Variants in CDC14A observed in about 807,000 individuals in gnomAD.
CDC14A encodes the protein cell division cycle 14A, also known as dual specificity protein phosphatase CDC14A.
Under a neutral mutation model 74.4 loss-of-function variants are expected in CDC14A, and 53 were observed. That is an observed-to-expected ratio of 0.71 (90% confidence interval 0.57 to 0.89). The LOEUF is 0.89. Ranked by LOEUF, CDC14A falls within the 40% of genes least tolerant of loss-of-function variation. CDC14A has a pLI of 0.00. For synonymous variants in CDC14A, 247 were observed against 258.4 expected, an observed-to-expected ratio of 0.96 and a Z score of 0.43; for missense variants, 646 against 713.7, an observed-to-expected ratio of 0.91 and a Z score of 1.08.
At chr1:100,479,499 C>G (rs1260585843) in intron 10 of CDC14A, among the ~76,000 whole-genome samples, 1 of 152,096 alleles carries the variant, frequency 6.6e-6, no homozygotes, top group East Asian at 1.9e-4. Context: ...TGTACCATTT[C>G]CTTTTATGGT....
At chr1:100,504,522 G>C (rs1484633772) in intron 15 of CDC14A, among the ~76,000 whole-genome samples, 1 of 152,164 alleles carries the variant, frequency 6.6e-6, no homozygotes, top group Non-Finnish European at 1.5e-5. Context: ...ATACATAAAC[G>C]AAAAGTGTGG....
chr1:100,452,247 C>T (rs1343460748), intron 7 of CDC14A, among the ~76,000 whole-genome samples: 3 of 152,208 alleles, frequency 2.0e-5, no homozygotes, highest in East Asian at 1.9e-4. Context: ...TGCAGTGGCT[C>T]ATGCCTGTAA....
chr1:100,459,784 A>G (rs540374852), intron 8 of CDC14A, among the ~76,000 whole-genome samples: 1 of 152,270 alleles, frequency 6.6e-6, no homozygotes, highest in East Asian at 1.9e-4. Flanking sequence ...ACATTGCTAA[A>G]ACCAATCTCT....
intron 4 of CDC14A, among the ~76,000 whole-genome samples, chr1:100,412,742 A>ATATATATATATTATATATATAT (rs1661000280): frequency 9.3e-6 from 1 of 108,052 alleles, no homozygotes; most frequent in African/African-American, 4.9e-5. Flanking sequence ...TATATATTTT[A>ATATATATATATTATATATATAT]TATATATATA....
rs1326027358 is a variant in CDC14A, at chr1:100,352,842, CTTG to C, written c.-107_-105del. ...GCGCCTGCTGCCTCCCTCGGCCAGG[CTTG>C]TTGTTCGGGACTGTGAGCTTCCTGG... On this transcript the variant is annotated 5_prime_UTR_variant, in exon 1 of 16. Transcript: ENST00000336454. 1.3e-6 allele frequency: 2 copies of C among 1,549,370 alleles called. No homozygotes were observed. The highest frequency in any genetic ancestry group is 8.7e-7 in the Non-Finnish European group (1 of 1,151,604).
At chr1:100,375,154 A>G (rs1221367538) in intron 2 of CDC14A, among the ~76,000 whole-genome samples, 4 of 152,208 alleles carry the variant, frequency 2.6e-5, no homozygotes, top group Non-Finnish European at 5.9e-5. Context: ...AGCAAGGTAG[A>G]GTGTAGCAGA....
intron 10 of CDC14A, among the ~76,000 whole-genome samples, chr1:100,479,229 GTTTTAGTTGAGATTGACTTCTATCA>G (rs1669214645): frequency 6.6e-6 from 1 of 152,176 alleles, no homozygotes; most frequent in Non-Finnish European, 1.5e-5. Flanking sequence ...AATGGTTTGA[GTTTTAGTTGAGATTGACTTCTATCA>G]TTTCCTTTTA....
chr1:100,353,899 C>G, intron 2 of CDC14A, 47 bp downstream of exon 2: 1 of 1,089,980 alleles, frequency 9.2e-7, no homozygotes, highest in South Asian at 1.3e-5. Flanking sequence ...TCAGCTTGTT[C>G]TTTGACGAGG....
chr1:100,430,744 G>C (rs536654511), intron 5 of CDC14A, among the ~76,000 whole-genome samples: 1 of 152,098 alleles, frequency 6.6e-6, no homozygotes, highest in Non-Finnish European at 1.5e-5. Context: ...GATTTTTGTC[G>C]AAGTTTGTTT....
intron 4 of CDC14A, among the ~76,000 whole-genome samples, chr1:100,420,711 C>T (rs1453651281): frequency 6.6e-6 from 1 of 152,034 alleles, no homozygotes; most frequent in Admixed American, 6.6e-5. Context: ...AATGGTAGTA[C>T]ATGGTGGTAC....
intron 4 of CDC14A, among the ~76,000 whole-genome samples, chr1:100,401,704 A>G (rs1659279472): frequency 6.6e-6 from 1 of 152,172 alleles, no homozygotes; most frequent in Non-Finnish European, 1.5e-5. Flanking sequence ...CGATTTTTTT[A>G]ACAGCCATCC....
At chr1:100,450,011 T>G (rs76780812) in intron 7 of CDC14A, among the ~76,000 whole-genome samples, 1,714 of 150,082 alleles carry the variant, frequency 0.011, 39 homozygotes, top group African/African-American at 0.04. Flanking sequence ...AGAGTGAGGT[T>G]TTTTTTTTTT....
intron 8 of CDC14A, among the ~76,000 whole-genome samples, chr1:100,459,126 C>CACAGAGAGAG (rs1279905046): frequency 6.9e-6 from 1 of 144,576 alleles, no homozygotes; most frequent in African/African-American, 2.6e-5. Context: ...CACACACACA[C>CACAGAGAGAG]AGAGAGAGAG....
intron 1 of CDC14A, among the ~76,000 whole-genome samples, chr1:100,346,468 C>T (rs1015177862): frequency 1.3e-5 from 2 of 151,894 alleles, no homozygotes; most frequent in South Asian, 2.1e-4. Flanking sequence ...CCTGTCTCTA[C>T]AAAAAATTAA....
intron 8 of CDC14A, among the ~76,000 whole-genome samples, chr1:100,456,308 T>C (rs1360820955): frequency 6.6e-6 from 1 of 152,266 alleles, no homozygotes; most frequent in African/African-American, 2.4e-5. Context: ...TATTTTGTAC[T>C]TACTAATTTT....
intron 11 of CDC14A, among the ~76,000 whole-genome samples, chr1:100,489,362 C>A (rs1670382032): frequency 6.6e-6 from 1 of 152,106 alleles, no homozygotes; most frequent in African/African-American, 2.4e-5. Flanking sequence ...CATCTTTATT[C>A]CCTAGTGTGC....
At chr1:100,395,689 C>A (rs960293673) in intron 4 of CDC14A, among the ~76,000 whole-genome samples, 1 of 152,118 alleles carries the variant, frequency 6.6e-6, no homozygotes, top group Non-Finnish European at 1.5e-5. Flanking sequence ...CACGTCATTA[C>A]CCTGTTTCAA....
At chr1:100,410,382 C>T (rs1041409663) in intron 4 of CDC14A, among the ~76,000 whole-genome samples, 2 of 152,102 alleles carry the variant, frequency 1.3e-5, no homozygotes, top group African/African-American at 4.8e-5. Flanking sequence ...TGTGCGGTGG[C>T]ACAATCTCAG....
chr1:100,364,458 C>T (rs1163594723), intron 2 of CDC14A, among the ~76,000 whole-genome samples: 4 of 151,202 alleles, frequency 2.6e-5, no homozygotes, highest in South Asian at 2.1e-4. Context: ...GTGATCCGCC[C>T]GCCTCGGCCT....
Sources: gnomAD v4.1 joint callset for allele counts (sites outside exome capture counted in the v4.1 genomes callset) on GRCh38, gnomAD v4.1.1 for gene constraint, MANE v1.5 for transcripts, NCBI Gene and HGNC (gene_info 2026-07-23, HGNC 2026-07-21) for gene names.